The following ZBED4 variants were observed in gnomAD, a reference collection of about 807,000 sequenced individuals.
ZBED4 encodes the protein zinc finger BED-type containing 4.
A neutral mutation model predicts 15.5 loss-of-function variants in ZBED4; 4 were observed. The ratio of observed to expected loss-of-function variants is 0.26; its 90% CI spans 0.13 to 0.59. The LOEUF (loss-of-function observed/expected upper bound fraction) is 0.59, where lower values mean the gene tolerates loss of function less well. Ranked by LOEUF, ZBED4 falls within the 20% of genes least tolerant of loss-of-function variation. The probability of loss-of-function intolerance (pLI) is 0.90; values close to 1 mark genes in which losing one functional copy is unlikely to be tolerated. For synonymous variants in ZBED4, 692 were observed against 608.5 expected (o/e 1.14, Z -2.02); for missense variants, 1,323 against 1,461.8 (o/e 0.91, Z 1.55).
intron 1 of ZBED4, among the ~76,000 whole-genome samples, chr22:49,865,375 C>T (rs932458450): frequency 2.6e-5 from 4 of 152,030 alleles, no homozygotes; most frequent in African/African-American, 7.3e-5. Context: ...GGGGGCCGGG[C>T]GCAGTGGCTC....
intron 1 of ZBED4, among the ~76,000 whole-genome samples, chr22:49,857,508 A>AC (rs1382403146): frequency 6.6e-6 from 1 of 152,184 alleles, no homozygotes; most frequent in African/African-American, 2.4e-5. Context: ...GTTCCTGAGC[A>AC]CGTCTGACAG....
Position 49,864,820 on chromosome 22 carries a change from C to CAAAAA in ZBED4, c.-330+10846_-330+10850dup, listed in dbSNP as rs71196384. Among the ~76,000 whole-genome samples the CAAAAA allele has an allele frequency of 4.8e-3, 318 of 66,714 alleles. 13 individuals are homozygous for CAAAAA. The highest frequency in any genetic ancestry group is 0.022 in the African/African-American group (221 of 10,006). The allele number at this position is 66,714 out of a possible 152,430, so 43.8% of individuals were successfully genotyped here. ...GAGCGCCAGAGTGAGACCCTGTCTC[C>CAAAAA]AAAAAAAAAAAAAAAAAAAGCCCTG... On this transcript the variant is annotated intron_variant, in intron 1 of 1. Coordinates refer to ENST00000216268, the MANE Select transcript of ZBED4 (RefSeq NM_014838.3).
At chr22:49,859,548 C>G (rs1389670190) in intron 1 of ZBED4, among the ~76,000 whole-genome samples, 1 of 152,112 alleles carries the variant, frequency 6.6e-6, no homozygotes, top group African/African-American at 2.4e-5. Flanking sequence ...TCCACAGCGC[C>G]TGGGTTCCTT....
Position 49,886,359 on chromosome 22 carries a change from C to G in ZBED4, c.2697C>G (p.Leu899=), listed in dbSNP as rs190374842. 6.2e-7 allele frequency: 1 copy of G among 1,610,188 alleles called. No individual in the cohort carries two copies. Among genetic ancestry groups the G allele is most frequent in the East Asian group, 2.2e-5 (1 of 44,816 alleles). Residue 899 remains leucine, a synonymous_variant, in exon 2 of 2, where the codon CTC becomes CTG. Coordinates refer to ENST00000216268, the MANE Select transcript of ZBED4 (RefSeq NM_014838.3). This position sits in a 1 kb window ranked among gnomAD's most constrained non-coding sequence, Gnocchi z 7.7. ...AGTGGAGCACTTCCTTCCACATGCT[C>G]GAGCGGCTCATTGAGCAGAAAAGGG... ...PSKWSTSFHM[L]ERLIEQKRAI...
At position 49,885,953 on chromosome 22, in the gene ZBED4, A is replaced by C; in HGVS notation, c.2291A>C (p.His764Pro). Residue 764 changes from histidine (H) to proline (P), a missense_variant, in exon 2 of 2, where the codon CAC becomes CCC. His to Pro is a moderately conservative substitution (Grantham distance 77). Transcript: ENST00000216268. ...ESPARPRCDD[H>P]HCSALLDVSQ... ...CCAGCCCGGCCGCGCTGTGACGACCACCACTGCTCGGCGCTGTTGGACGTG... is the reference window on the plus strand; with the variant it reads ...CCAGCCCGGCCGCGCTGTGACGACCCCCACTGCTCGGCGCTGTTGGACGTG... The C allele has an allele frequency of 1.4e-6, 1 of 737,678 alleles. No homozygotes were observed. Among genetic ancestry groups the C allele is most frequent in the South Asian group, 1.6e-5 (1 of 63,856 alleles). 45.7% of individuals were successfully genotyped at this position (737,678 alleles called of 1,614,324 possible). A position where few individuals can be genotyped will look rare whatever the true frequency, so the allele number is the denominator to read the frequency against.
At chr22:49,874,574 C>T (rs1241446409) in intron 1 of ZBED4, among the ~76,000 whole-genome samples, 1 of 150,174 alleles carries the variant, frequency 6.7e-6, no homozygotes, top group African/African-American at 2.4e-5. Context: ...GGGATTTCAC[C>T]AGTTTGGCCA....
chr22:49,879,599 G>C (rs914915561), intron 1 of ZBED4, among the ~76,000 whole-genome samples: 4 of 140,932 alleles, frequency 2.8e-5, no homozygotes, highest in African/African-American at 5.1e-5. Context: ...GTGTCTGGGC[G>C]TGTTTCTATT....
At chr22:49,858,564 C>G (rs999604181) in intron 1 of ZBED4, among the ~76,000 whole-genome samples, 1 of 152,208 alleles carries the variant, frequency 6.6e-6, no homozygotes, top group African/African-American at 2.4e-5. Context: ...CCAGCTGGAG[C>G]TACCGTGACT....
At chr22:49,869,986 C>T (rs968054402) in intron 1 of ZBED4, among the ~76,000 whole-genome samples, 4 of 152,126 alleles carry the variant, frequency 2.6e-5, no homozygotes, top group African/African-American at 7.2e-5. Context: ...CCTCACTCCT[C>T]ACTCTCGCAG....
chr22:49,884,546 A>G lies in ZBED4; in HGVS notation c.884A>G (p.Tyr295Cys), dbSNP rs561161505. ...AGGTCCGCTGTCTGGAAGCACTTCT[A>G]CCTGTCGCCACTGGACAACTCCAAA... is the stretch of plus-strand genomic sequence containing the variant. The part of the protein sequence containing the change: ...RRRSAVWKHF[Y>C]LSPLDNSKAV... Residue 295 changes from tyrosine to cysteine, a missense_variant, in exon 2 of 2, where the codon TAC becomes TGC. Physicochemically the swap from Tyr to Cys is radical, Grantham distance 194. Around this residue, in one of 6 missense-constraint regions of ZBED4, gnomAD observed 380 missense variants for 413.7 expected, o/e 0.92. Coordinates refer to ENST00000216268, the MANE Select transcript of ZBED4 (RefSeq NM_014838.3). 1.6e-5 allele frequency: 26 copies of G among 1,613,754 alleles called. No homozygotes were observed. The highest frequency in any genetic ancestry group is 2.7e-5 in the African/African-American group (2 of 75,048).
At chr22:49,856,763 G>A (rs2060276532) in intron 1 of ZBED4, among the ~76,000 whole-genome samples, 1 of 91,502 alleles carries the variant, frequency 1.1e-5, no homozygotes, top group African/African-American at 3.9e-5. Context: ...TCTAGGTGAA[G>A]GCCGCGCTGG....
In ZBED4 at chr22:49,887,208, C is replaced by T. The variant is rs114937591; in HGVS notation, c.*30C>T. 1.3e-3 allele frequency: 2,061 copies of T among 1,575,824 alleles called. 18 individuals carry two copies. In the African/African-American group the frequency reaches 0.023, roughly 18 times the overall value. On this transcript the variant is annotated 3_prime_UTR_variant, in exon 2 of 2. Coordinates refer to ENST00000216268, the MANE Select transcript of ZBED4 (RefSeq NM_014838.3). ...CACGACGGCACCACTAGGCCAGAGG[C>T]GTGGCTGCCCCAGCGTTAGCAGCCT... is the stretch of plus-strand genomic sequence containing the variant.
intron 1 of ZBED4, among the ~76,000 whole-genome samples, chr22:49,879,969 G>T (rs931871025): frequency 2.0e-5 from 3 of 150,736 alleles, no homozygotes; most frequent in Non-Finnish European, 4.4e-5. Context: ...CCTGGTCAGA[G>T]GTGGTTTTCT....
In ZBED4 at chr22:49,884,912, C is replaced by G. The variant is rs751704901; in HGVS notation, c.1250C>G (p.Ser417Cys). 2 of 1,602,792 alleles carry G rather than the reference C, an allele frequency of 1.2e-6. No individual in the cohort carries two copies. Among genetic ancestry groups the G allele is most frequent in the Non-Finnish European group, 1.7e-6 (2 of 1,172,836 alleles). The change falls in exon 2 of 2, where the codon TCC becomes TGC. Residue 417 changes from serine to cysteine, a missense_variant. By Grantham distance (112) the Ser-to-Cys change is moderately radical (BLOSUM62 -1). Coordinates refer to ENST00000216268, the MANE Select transcript of ZBED4 (RefSeq NM_014838.3). ...GAAGACGTGGCGGCCTTCTCATCTT[C>G]CGATGACATAGGGGAGGCCTCGGCG... The part of the protein sequence containing the change: ...LMEDVAAFSS[S>C]DDIGEASASS...
chr22:49,854,445 T>C (rs896549551), intron 1 of ZBED4, among the ~76,000 whole-genome samples: 1 of 152,296 alleles, frequency 6.6e-6, no homozygotes, highest in South Asian at 2.1e-4. Context: ...CTGCTTCATG[T>C]CTCAGCCCAG....
rs1272553350 is a variant in ZBED4, at chr22:49,888,163, A to C, written c.*985A>C. On this transcript the variant is annotated 3_prime_UTR_variant, in exon 2 of 2. Transcript: ENST00000216268. ...TTATGATAGGGAAGATGCGGCCATC[A>C]CTGGGATATTTTCAAATCCCAAGGA... 6.0e-6 allele frequency: 1 copy of C among 167,238 alleles called. No homozygotes were observed. The highest frequency in any genetic ancestry group is 1.9e-4 in the East Asian group (1 of 5,348). 10.4% of individuals were successfully genotyped at this position (167,238 alleles called of 1,614,324 possible).
intron 1 of ZBED4, among the ~76,000 whole-genome samples, chr22:49,858,181 C>T (rs558781130): frequency 2.6e-5 from 4 of 152,284 alleles, no homozygotes; most frequent in East Asian, 3.9e-4. Flanking sequence ...GGATTACAGG[C>T]GTGAGCCACC....
rs981914480 is a variant in ZBED4 at position 49,886,883 on chromosome 22, A to C, written c.3221A>C (p.Lys1074Thr). The change falls in exon 2 of 2, where the codon AAA (lysine) becomes ACA (threonine). Residue 1074 changes from lysine to threonine, a missense_variant. Around this residue, in one of 6 missense-constraint regions of ZBED4, gnomAD observed 312 missense variants for 410.7 expected, o/e 0.76. Coordinates refer to ENST00000216268, the MANE Select transcript of ZBED4 (RefSeq NM_014838.3). The surrounding 1 kb of genome is among the most constrained non-coding windows in gnomAD (Gnocchi z 7.7). ...LWSLVAKVKK[K>T]DPREKLPEAM... The stretch of plus-strand genomic sequence containing the variant: ...TCACTTGTGGCCAAGGTGAAGAAGA[A>C]AGACCCAAGAGAAAAGCTGCCTGAA... The C allele has an allele frequency of 1.9e-6, 3 of 1,613,966 alleles. No homozygotes were observed. The highest frequency in any genetic ancestry group is 1.3e-5 in the African/African-American group (1 of 74,896).
Position 49,884,093 on chromosome 22 carries a change from G to A in ZBED4, c.431G>A (p.Ser144Asn). 1.2e-6 allele frequency: 2 copies of A among 1,613,012 alleles called. No homozygotes were observed. Among genetic ancestry groups the A allele is most frequent in the Non-Finnish European group, 1.7e-6 (2 of 1,179,540 alleles). Residue 144 changes from serine (S) to asparagine (N), a missense_variant, in exon 2 of 2, where the codon AGC (serine) becomes AAC (asparagine). Ser to Asn is a conservative substitution (Grantham distance 46). Transcript: ENST00000216268. ...AICMYCVKEF[S>N]RGKNEKDLST... ...TGCATGTACTGTGTGAAGGAGTTCA[G>A]CAGAGGCAAAAACGAGAAAGACTTG...
Sources: gnomAD v4.1 joint callset for allele counts (sites outside exome capture counted in the v4.1 genomes callset) on GRCh38, gnomAD v4.1.1 for gene constraint, gnomAD v4.1.1 regional missense constraint, Gnocchi (gnomAD v3.1) non-coding constraint, MANE v1.5 for transcripts, NCBI Gene and HGNC (gene_info 2026-07-23, HGNC 2026-07-21) for gene names.